UGT1A4: variants seen among roughly 807,000 people sequenced by gnomAD.
UGT1A4 encodes UDP glucuronosyltransferase family 1 member A4, also known as UDP-glucuronosyltransferase 1A4.
A neutral mutation model predicts 41.1 loss-of-function variants in UGT1A4; 32 were observed. The ratio of observed to expected loss-of-function variants is 0.78; its 90% confidence interval spans 0.59 to 1.05. The LOEUF (loss-of-function observed/expected upper bound fraction) is 1.05. Among genes scored for constraint, UGT1A4 ranks in the 50% least tolerant of loss-of-function variants. UGT1A4 has a pLI of 0.00. For synonymous variants in UGT1A4, 283 were observed against 265.1 expected (o/e 1.07, Z -0.66); for missense variants, 748 against 677.4 (o/e 1.10, Z -1.16).
intron 1 of UGT1A4, among the ~76,000 whole-genome samples, chr2:233,763,740 G>A (rs752841443): frequency 3.7e-4 from 57 of 152,188 alleles, no homozygotes; most frequent in Non-Finnish European, 5.6e-4. Flanking sequence ...GCATTGGCGT[G>A]TCTTTGGTGT....
intron 1 of UGT1A4, among the ~76,000 whole-genome samples, chr2:233,766,201 G>T (rs544565545): frequency 2.4e-4 from 37 of 152,254 alleles, no homozygotes; most frequent in Admixed American, 4.6e-4. Flanking sequence ...CTCAGCAGAT[G>T]GGGGAAGCCA....
At chr2:233,739,133 T>C (rs570890692) in intron 1 of UGT1A4, 1 of 152,384 alleles carries the variant, frequency 6.6e-6, no homozygotes, top group East Asian at 1.9e-4. Context: ...GATAAGAATT[T>C]AGGTTTGGGA....
chr2:233,743,808 C>T (rs2125856217), intron 1 of UGT1A4: 1 of 1,367,328 alleles, frequency 7.3e-7, no homozygotes, highest in South Asian at 1.1e-5. Flanking sequence ...TCCTTGTTCT[C>T]AGGGTTTTTG....
intron 1 of UGT1A4, chr2:233,760,314 C>T (rs2125982476): frequency 1.2e-6 from 2 of 1,613,914 alleles, no homozygotes; most frequent in Non-Finnish European, 1.7e-6. Context: ...AGGGCGGACG[C>T]CCACTTGTCC....
At chr2:233,745,784 G>A (rs1693214179) in intron 1 of UGT1A4, among the ~76,000 whole-genome samples, 1 of 151,038 alleles carries the variant, frequency 6.6e-6, no homozygotes, top group Non-Finnish European at 1.5e-5. Flanking sequence ...GCTTAGACAG[G>A]GGGGCTGGGG....
intron 1 of UGT1A4, chr2:233,755,024 G>C (rs533329516): frequency 1.5e-6 from 2 of 1,306,520 alleles, no homozygotes; most frequent in Admixed American, 3.8e-5. Context: ...GGTCCTTGAA[G>C]GGCCTGCCGC....
In UGT1A4 at chr2:233,719,040, T is replaced by C. The variant is rs1243491139; in HGVS notation, c.220T>C (p.Phe74Leu). 6.2e-7 allele frequency: 1 copy of C among 1,614,170 alleles called. No homozygotes were observed. Among genetic ancestry groups the C allele is most frequent in the South Asian group, 1.1e-5 (1 of 91,068 alleles). Residue 74 changes from phenylalanine (F) to leucine (L), a missense_variant, in exon 1 of 5, where the codon TTT (phenylalanine) becomes CTT (leucine). By Grantham distance (22) the Phe-to-Leu change is conservative. Coordinates refer to ENST00000373409, the MANE Select transcript of UGT1A4 (RefSeq NM_007120.3). ...EVNMHIKEEK[F>L]FTLTAYAVPW... ...GAATATGCACATCAAAGAAGAGAAATTTTTCACCCTGACAGCCTATGCTGT... is the reference window on the plus strand; with the variant it reads ...GAATATGCACATCAAAGAAGAGAAACTTTTCACCCTGACAGCCTATGCTGT...
intron 1 of UGT1A4, among the ~76,000 whole-genome samples, chr2:233,761,318 C>T (rs1697742330): frequency 6.6e-6 from 1 of 152,218 alleles, no homozygotes; most frequent in South Asian, 2.1e-4. Context: ...TTGGCATCAT[C>T]TTCTGGATGA....
In UGT1A4 at chr2:233,751,441, T is replaced by C. The variant is rs573707863; in HGVS notation, c.868-15593T>C. Among the ~76,000 whole-genome samples the C allele has an allele frequency of 5.9e-5, 9 of 152,232 alleles. No homozygotes were observed. In the East Asian group the frequency reaches 7.7e-4, roughly 13 times the overall value. On this transcript the variant is annotated intron_variant, in intron 1 of 4. Transcript: ENST00000373409. Reference sequence around the variant, plus strand: ...GCTAGTGCTGAAATGAGTTAAGACTTTGGAAGATTGTTGGGAAGGCACGAT... The same window carrying C: ...GCTAGTGCTGAAATGAGTTAAGACTCTGGAAGATTGTTGGGAAGGCACGAT...
At chr2:233,743,187 A>G (rs904489240) in intron 1 of UGT1A4, 11 of 373,380 alleles carry the variant, frequency 2.9e-5, no homozygotes, top group Middle Eastern at 3.7e-4. Flanking sequence ...GTGGACTGGA[A>G]TTACTTGGTG....
rs551497641 is a variant in UGT1A4 at position 233,769,657 on chromosome 2, C to T, written c.1307+1218C>T. ...GGGAGGACTGATGACTGACTTCCCA[C>T]CTTTGAGGTGCTAATGTGTGTGTGG... On this transcript the variant is annotated intron_variant, in intron 4 of 4. Transcript: ENST00000373409. This position sits in a 1 kb window ranked among gnomAD's most constrained non-coding sequence, Gnocchi z 4.4. 6.2e-7 allele frequency: 1 copy of T among 1,602,246 alleles called. No individual in the cohort carries two copies. Among genetic ancestry groups the T allele is most frequent in the African/African-American group, 1.3e-5 (1 of 74,712 alleles).
intron 1 of UGT1A4, chr2:233,721,833 A>G (rs1417252749): frequency 1.9e-6 from 1 of 515,974 alleles, no homozygotes; most frequent in African/African-American, 1.9e-5. Flanking sequence ...TGGGCCACCG[A>G]CCTTGTGTCC....
rs1362371317 is a variant in UGT1A4 at position 233,772,403 on chromosome 2, C to T, written c.1449C>T (p.Thr483=). The T allele has an allele frequency of 6.2e-7, 1 of 1,614,140 alleles. No individual in the cohort carries two copies. Among genetic ancestry groups the T allele is most frequent in the African/African-American group, 1.3e-5 (1 of 74,952 alleles). The part of the protein sequence containing the change: ...PHLRPAAHDL[T]WYQYHSLDVI... ...TGCGCCCCGCAGCCCACGACCTCAC[C>T]TGGTACCAGTACCATTCCTTGGACG... Residue 483 remains threonine (T), a synonymous_variant, in exon 5 of 5, where the codon ACC becomes ACT. Coordinates refer to ENST00000373409, the MANE Select transcript of UGT1A4 (RefSeq NM_007120.3).
At chr2:233,762,238 A>G (rs1231676264) in intron 1 of UGT1A4, among the ~76,000 whole-genome samples, 1 of 152,096 alleles carries the variant, frequency 6.6e-6, no homozygotes, top group East Asian at 1.9e-4. Context: ...CCTAAGGCAC[A>G]GAATAGGCAC....
chr2:233,720,742 G>A (rs2125678345), intron 1 of UGT1A4, among the ~76,000 whole-genome samples: 1 of 144,784 alleles, frequency 6.9e-6, no homozygotes, highest in African/African-American at 2.6e-5. Flanking sequence ...GCCTCGTTCT[G>A]TCGCCCAGGC....
chr2:233,758,735 C>T (rs1420217475), intron 1 of UGT1A4, among the ~76,000 whole-genome samples: 1 of 152,162 alleles, frequency 6.6e-6, no homozygotes, highest in Admixed American at 6.5e-5. Context: ...AGCACATCCC[C>T]AAGTATGGCT....
At position 233,772,264 on chromosome 2, in the gene UGT1A4, A is replaced by T. The variant is rs766626435; in HGVS notation, c.1310A>T (p.Tyr437Phe). ...AACGAAACTGTCTTTGTGTTTAGTTACAAGGAGAACATCATGCGCCTCTCC... is the reference window on the plus strand; with the variant it reads ...AACGAAACTGTCTTTGTGTTTAGTTTCAAGGAGAACATCATGCGCCTCTCC... ...ALKAVINDKSYKENIMRLSSL... is the reference protein window; with the variant it reads ...ALKAVINDKSFKENIMRLSSL... The change falls in exon 5 of 5, where the codon TAC (tyrosine) becomes TTC (phenylalanine). Residue 437 changes from tyrosine (Y) to phenylalanine (F), a missense_variant and splice_region_variant. Transcript: ENST00000373409. 1.9e-6 allele frequency: 3 copies of T among 1,614,262 alleles called. No individual in the cohort carries two copies. Among genetic ancestry groups the T allele is most frequent in the Non-Finnish European group, 2.5e-6 (3 of 1,180,060 alleles).
intron 1 of UGT1A4, among the ~76,000 whole-genome samples, chr2:233,758,268 G>A (rs1000936353): frequency 2.6e-5 from 4 of 152,178 alleles, no homozygotes; most frequent in Non-Finnish European, 5.9e-5. Flanking sequence ...AGTATTTCTT[G>A]GTCAAGGGCA....
chr2:233,730,105 C>G, intron 1 of UGT1A4: 1 of 1,574,650 alleles, frequency 6.4e-7, no homozygotes, highest in Non-Finnish European at 8.6e-7. Context: ...TATTTCATTT[C>G]TGCTTCTCCT....
Sources: allele counts gnomAD v4.1 joint callset (sites outside exome capture counted in the v4.1 genomes callset), GRCh38; gene constraint gnomAD v4.1.1; non-coding constraint Gnocchi (gnomAD v3.1); transcripts MANE v1.5; gene names NCBI Gene and HGNC (gene_info 2026-07-23, HGNC 2026-07-21).